TMEM260: variants seen among roughly 807,000 people sequenced by gnomAD.
TMEM260 encodes the protein transmembrane protein 260.
TMEM260 carries 82 observed loss-of-function variants against 88.9 expected under a neutral mutation model. That is an observed-to-expected ratio of 0.92 (90% CI 0.77 to 1.11). The LOEUF (loss-of-function observed/expected upper bound fraction) is 1.11, where lower values mean the gene tolerates loss of function less well. Ranked by LOEUF, TMEM260 falls within the 50% of genes least tolerant of loss-of-function variation. The pLI is 0.00. For synonymous variants in TMEM260, 314 were observed against 309.3 expected (o/e 1.02, Z -0.16); for missense variants, 902 against 853.4 (o/e 1.06, Z -0.71).
intron 15 of TMEM260, among the ~76,000 whole-genome samples, chr14:56,640,099 A>G (rs916235646): frequency 6.6e-6 from 1 of 152,230 alleles, no homozygotes; most frequent in Non-Finnish European, 1.5e-5. Context: ...AGGCAGCAAT[A>G]TCCTCTGCAG....
At chr14:56,653,947 C>T (rs1433469175), downstream of TMEM260, among the ~76,000 whole-genome samples, 1 of 152,134 alleles carries the variant, frequency 6.6e-6, no homozygotes, top group Non-Finnish European at 1.5e-5. Context: ...CTACTCCAGT[C>T]CCAATTACAT....
intron 3 of TMEM260, among the ~76,000 whole-genome samples, chr14:56,591,849 A>G (rs1885885283): frequency 6.6e-6 from 1 of 152,228 alleles, no homozygotes; most frequent in Non-Finnish European, 1.5e-5. Flanking sequence ...TTGATGGAGT[A>G]TAATAAAATG....
intron 15 of TMEM260, among the ~76,000 whole-genome samples, chr14:56,641,821 A>T (rs1192024899): frequency 6.6e-6 from 1 of 152,244 alleles, no homozygotes; most frequent in Non-Finnish European, 1.5e-5. Context: ...TTGGAGGAAG[A>T]TCTATCAAGC....
chr14:56,647,788 TA>T lies in TMEM260; in HGVS notation c.*292del. 2 of 338,160 alleles carry T rather than the reference TA, an allele frequency of 5.9e-6. No homozygotes were observed. Among genetic ancestry groups the T allele is most frequent in the South Asian group, 8.3e-5 (2 of 24,182 alleles). 20.9% of individuals were successfully genotyped at this position (338,160 alleles called of 1,614,324 possible). A position where few individuals can be genotyped will look rare whatever the true frequency, so the allele number is the denominator to read the frequency against. On this transcript the variant is annotated 3_prime_UTR_variant, in exon 16 of 16. Transcript: ENST00000261556. ...CAGATGACTGCACTGGATTAGATTC[TA>T]GAAGAGAATGAACCATTTTCATATA...
Position 56,609,090 on chromosome 14 carries a change from A to G in TMEM260, c.637-16A>G, listed in dbSNP as rs373601076. On this transcript the variant is annotated splice_polypyrimidine_tract_variant and intron_variant, in intron 5 of 15. Coordinates refer to ENST00000261556, the MANE Select transcript of TMEM260 (RefSeq NM_017799.4). Reference sequence around the variant, plus strand: ...AAAATAAACATTGTTATACCACCCAATGTGCTCTGATGCAGGAACTCTCCC... The same window carrying G: ...AAAATAAACATTGTTATACCACCCAGTGTGCTCTGATGCAGGAACTCTCCC... The G allele has an allele frequency of 1.5e-5, 24 of 1,612,674 alleles. No homozygotes were observed. The highest frequency in any genetic ancestry group is 1.7e-5 in the Non-Finnish European group (20 of 1,179,136).
In TMEM260 at chr14:56,647,247, A is replaced by G. The variant is rs1401677286; in HGVS notation, c.1874A>G (p.Tyr625Cys). 1.2e-6 allele frequency: 2 copies of G among 1,611,102 alleles called. No homozygotes were observed. Among genetic ancestry groups the G allele is most frequent in the Non-Finnish European group, 8.5e-7 (1 of 1,178,582 alleles). ...AQLYAQAYDL[Y>C]KEIVYLQKEH... Reference sequence around the variant, plus strand: ...AACATTTCTGCTGTTTTCTAGCTTTATAAGGAGATTGTCTATTTACAAAAG... The same window carrying G: ...AACATTTCTGCTGTTTTCTAGCTTTGTAAGGAGATTGTCTATTTACAAAAG... The change falls in exon 16 of 16, where the codon TAT (tyrosine) becomes TGT (cysteine). Residue 625 changes from tyrosine (Y) to cysteine (C), a missense_variant. By Grantham distance (194) the Tyr-to-Cys change is radical. Transcript: ENST00000261556.
intron 1 of TMEM260, among the ~76,000 whole-genome samples, chr14:56,581,193 A>G (rs1040906436): frequency 6.6e-6 from 1 of 152,192 alleles, no homozygotes; most frequent in African/African-American, 2.4e-5. Context: ...ACTGTAAGTG[A>G]TATACCACTT....
chr14:56,616,133 A>G, intron 8 of TMEM260, 106 bp downstream of exon 8: 1 of 737,060 alleles, frequency 1.4e-6, no homozygotes, highest in Non-Finnish European at 2.3e-6. Flanking sequence ...TTATACTCCA[A>G]ATAAATGACT....
At chr14:56,585,112 A>T in intron 2 of TMEM260, 80 bp downstream of exon 2, 2 of 1,298,536 alleles carry the variant, frequency 1.5e-6, no homozygotes, top group East Asian at 4.7e-5. Flanking sequence ...AGCATGGAGT[A>T]AAGTAGATTA....
chr14:56,587,141 G>A (rs1298563404), intron 3 of TMEM260, among the ~76,000 whole-genome samples: 1 of 151,492 alleles, frequency 6.6e-6, no homozygotes, highest in Non-Finnish European at 1.5e-5. Context: ...AAATATCTAG[G>A]TTGAATGGGA....
chr14:56,654,738 CG>C (rs1890268966), downstream of TMEM260, among the ~76,000 whole-genome samples: 1 of 145,272 alleles, frequency 6.9e-6, no homozygotes, highest in Non-Finnish European at 1.5e-5. Flanking sequence ...CGCTTGAACC[CG>C]GGAGGCAGAG....
Position 56,612,218 on chromosome 14 carries a change from A to G in TMEM260, c.817-27A>G, listed in dbSNP as rs1266405880. 3 of 1,598,692 alleles carry G rather than the reference A, an allele frequency of 1.9e-6. No individual in the cohort carries two copies. In the Admixed American group the frequency reaches 5.0e-5, roughly 27 times the overall value. On this transcript the variant is annotated intron_variant, in intron 6 of 15. Coordinates refer to ENST00000261556, the MANE Select transcript of TMEM260 (RefSeq NM_017799.4). Reference sequence around the variant, plus strand: ...TAAAGCGTCAGTTTAATGCTTGTGCAGATAAACTTTTGTCTTTTGTGTTTA... The same window carrying G: ...TAAAGCGTCAGTTTAATGCTTGTGCGGATAAACTTTTGTCTTTTGTGTTTA...
intron 6 of TMEM260, 58 bp downstream of exon 6, chr14:56,609,343 C>A: frequency 6.7e-7 from 1 of 1,483,834 alleles, no homozygotes; most frequent in Non-Finnish European, 9.3e-7. Context: ...CAGTGCTCTG[C>A]CTGGGCCTTG....
the TMEM260 span, among the ~76,000 whole-genome samples, chr14:56,659,028 C>CA: frequency 1.3e-5 from 2 of 152,118 alleles, no homozygotes; most frequent in Admixed American, 1.3e-4. Context: ...TCACGCCCAA[C>CA]AAAAAATACT....
Position 56,636,529 on chromosome 14 carries a change from C to G in TMEM260, c.1800C>G (p.Ile600Met). ...WQARMKTPFF[I>M]FNLAETAHMP... ...CCAGGATGAAAACACCGTTCTTCAT[C>G]TTTAACCTGGCAGAAACTGCTCACA... The change falls in exon 15 of 16, where the codon ATC (isoleucine) becomes ATG (methionine). Residue 600 changes from isoleucine to methionine, a missense_variant. Coordinates refer to ENST00000261556, the MANE Select transcript of TMEM260 (RefSeq NM_017799.4). The G allele has an allele frequency of 6.2e-7, 1 of 1,613,988 alleles. No homozygotes were observed. Among genetic ancestry groups the G allele is most frequent in the Non-Finnish European group, 8.5e-7 (1 of 1,179,972 alleles).
intron 3 of TMEM260, among the ~76,000 whole-genome samples, chr14:56,601,360 G>A (rs1282352490): frequency 6.6e-6 from 1 of 152,094 alleles, no homozygotes. Context: ...ATTTCTGCAG[G>A]AATGTTATAG....
At chr14:56,638,660 T>C (rs1889318024) in intron 15 of TMEM260, among the ~76,000 whole-genome samples, 1 of 152,202 alleles carries the variant, frequency 6.6e-6, no homozygotes, top group Non-Finnish European at 1.5e-5. Flanking sequence ...TACTTCATGG[T>C]AATTACTGAA....
chr14:56,630,050 A>AAAAAG (rs1888487121), intron 12 of TMEM260, among the ~76,000 whole-genome samples: 1 of 152,024 alleles, frequency 6.6e-6, no homozygotes, highest in Admixed American at 6.6e-5. Flanking sequence ...CAGAAAAAAA[A>AAAAAG]AAAGAAGAAA....
At chr14:56,605,171 A>G (rs1886817446) in intron 4 of TMEM260, among the ~76,000 whole-genome samples, 1 of 152,220 alleles carries the variant, frequency 6.6e-6, no homozygotes, top group Non-Finnish European at 1.5e-5. Context: ...CAACACCCAG[A>G]GATAACCAGA....
Sources: gnomAD v4.1 joint callset for allele counts (sites outside exome capture counted in the v4.1 genomes callset) on GRCh38, gnomAD v4.1.1 for gene constraint, MANE v1.5 for transcripts, NCBI Gene and HGNC (gene_info 2026-07-23, HGNC 2026-07-21) for gene names.